EBF4: variants seen among roughly 807,000 people sequenced by gnomAD.
EBF4 encodes the protein transcription factor COE4.
EBF4 carries 34 observed loss-of-function variants against 67.1 expected under a neutral mutation model. The observed-to-expected ratio is 0.51, with a 90% CI of 0.39 to 0.67. The LOEUF (loss-of-function observed/expected upper bound fraction) is 0.67. EBF4 is among the 30% of genes least tolerant of loss of function. EBF4 has a pLI of 0.00. For missense variants in EBF4, 837 were observed against 873.3 expected (o/e 0.96, Z 0.52); for synonymous variants, 387 against 377.7 (o/e 1.02, Z -0.29).
intron 6 of EBF4, among the ~76,000 whole-genome samples, chr20:2,737,056 TG>T (rs2087891548): frequency 6.6e-6 from 1 of 151,916 alleles, no homozygotes; most frequent in Non-Finnish European, 1.5e-5. Context: ...GAGACCATCC[TG>T]GCTAACACGG....
At chr20:2,752,291 C>G in intron 13 of EBF4, 28 bp downstream of exon 13, 1 of 1,210,570 alleles carries the variant, frequency 8.3e-7, no homozygotes, top group African/African-American at 1.6e-5. Flanking sequence ...CCCCGCCGTC[C>G]TCGGGCGCCG....
Position 2,751,572 on chromosome 20 carries a change from G to C in EBF4, c.1019-128G>C. ...GGAGTTTTCCGGGGGACTTGGGCTG[G>C]GCCTGGTGGAGGGGGCTGCAGCGAG... is the stretch of plus-strand genomic sequence containing the variant. On this transcript the variant is annotated intron_variant, in intron 10 of 16. Transcript: ENST00000609451. This position sits in a 1 kb window ranked among gnomAD's most constrained non-coding sequence, Gnocchi z 5.2. 1.1e-6 allele frequency: 1 copy of C among 905,462 alleles called. No homozygotes were observed. The highest frequency in any genetic ancestry group is 1.6e-5 in the South Asian group (1 of 63,084). 56.1% of individuals were successfully genotyped at this position (905,462 alleles called of 1,614,324 possible). A position where few individuals can be genotyped will look rare whatever the true frequency, so the allele number is the denominator to read the frequency against.
At chr20:2,723,527 T>G (rs1176455601) in intron 6 of EBF4, among the ~76,000 whole-genome samples, 3 of 152,030 alleles carry the variant, frequency 2.0e-5, no homozygotes, top group Non-Finnish European at 2.9e-5. Flanking sequence ...TTTTTTGTAT[T>G]TTTAATAGAG....
chr20:2,715,813 A>G (rs909248619), intron 6 of EBF4, among the ~76,000 whole-genome samples: 1 of 152,042 alleles, frequency 6.6e-6, no homozygotes, highest in African/African-American at 2.4e-5. Context: ...CAGTGGCGCA[A>G]TCTCGGCTCA....
rs1229893734 is a variant in EBF4, at chr20:2,745,636, G to T, written c.558-2913G>T. Among the ~76,000 whole-genome samples the T allele has an allele frequency of 1.3e-5, 2 of 152,230 alleles. No individual in the cohort carries two copies. Among genetic ancestry groups the T allele is most frequent in the African/African-American group, 4.8e-5 (2 of 41,458 alleles). On this transcript the variant is annotated intron_variant, in intron 6 of 16. Coordinates refer to ENST00000609451, the Ensembl canonical transcript of EBF4. This position sits in a 1 kb window ranked among gnomAD's most constrained non-coding sequence, Gnocchi z 5.2. Reference sequence around the variant, plus strand: ...ACAGTGGCAAGACCTGCTGAGCAAAGGCTTGGGGAAGGGCCAGTGAGGGAG... The same window carrying T: ...ACAGTGGCAAGACCTGCTGAGCAAATGCTTGGGGAAGGGCCAGTGAGGGAG...
At chr20:2,718,098 C>T (rs990386573) in intron 6 of EBF4, among the ~76,000 whole-genome samples, 4 of 152,136 alleles carry the variant, frequency 2.6e-5, no homozygotes, top group African/African-American at 4.8e-5. Flanking sequence ...CGTGAGCCAC[C>T]GCACCCGGCT....
chr20:2,702,966 G>A (rs920215740), intron 1 of EBF4, among the ~76,000 whole-genome samples: 4 of 152,090 alleles, frequency 2.6e-5, no homozygotes, highest in South Asian at 2.1e-4. Context: ...AAAGTGCTCC[G>A]TAGTCAGGTA....
chr20:2,704,237 C>G (rs934646491), intron 1 of EBF4, among the ~76,000 whole-genome samples: 1 of 152,218 alleles, frequency 6.6e-6, no homozygotes, highest in Non-Finnish European at 1.5e-5. Flanking sequence ...CTGGCTTCCA[C>G]ACATGCAGAG....
intron 1 of EBF4, among the ~76,000 whole-genome samples, chr20:2,698,762 C>T (rs895048451): frequency 2.0e-5 from 3 of 152,168 alleles, no homozygotes; most frequent in African/African-American, 7.2e-5. Flanking sequence ...GGCTTGTCCC[C>T]CGTAGCCCTA....
intron 6 of EBF4, among the ~76,000 whole-genome samples, chr20:2,727,958 G>T (rs529030873): frequency 6.6e-6 from 1 of 152,230 alleles, no homozygotes; most frequent in East Asian, 1.9e-4. Context: ...ATTCTAGATA[G>T]TAACCCCTCC....
chr20:2,742,166 T>C (rs2087977702), intron 6 of EBF4, among the ~76,000 whole-genome samples: 1 of 152,182 alleles, frequency 6.6e-6, no homozygotes, highest in South Asian at 2.1e-4. Context: ...GCATCAGTGG[T>C]TCATAAAGAC....
rs1568586683 is a variant in EBF4 at position 2,749,651 on chromosome 20, CG to C, written c.793del (p.Glu265ArgfsTer55). 6.4e-7 allele frequency: 1 copy of C among 1,566,456 alleles called. No individual in the cohort carries two copies. Among genetic ancestry groups the C allele is most frequent in the Non-Finnish European group, 8.6e-7 (1 of 1,156,392 alleles). On this transcript the variant is annotated frameshift_variant, in exon 9 of 17. Transcript: ENST00000609451. LOFTEE classifies it high-confidence loss of function. Reference sequence around the variant, plus strand: ...CCCCCTGCATCAAGGCCATCAGCCCCGGGGAGGGCTGGACCACGGGCGGCGC... The same window carrying C: ...CCCCCTGCATCAAGGCCATCAGCCCCGGGAGGGCTGGACCACGGGCGGCGC...
intron 6 of EBF4, among the ~76,000 whole-genome samples, chr20:2,728,204 C>A (rs866031592): frequency 3.9e-5 from 6 of 152,320 alleles, no homozygotes; most frequent in Non-Finnish European, 7.4e-5. Context: ...GCCCTATAAA[C>A]CTGCTCGGTG....
At chr20:2,721,141 A>G (rs2087673829) in intron 6 of EBF4, among the ~76,000 whole-genome samples, 1 of 151,200 alleles carries the variant, frequency 6.6e-6, no homozygotes, top group African/African-American at 2.4e-5. Flanking sequence ...AAAGTTTTTG[A>G]CCATGATTTA....
intron 6 of EBF4, among the ~76,000 whole-genome samples, chr20:2,712,923 A>G (rs2087562404): frequency 6.6e-6 from 1 of 152,222 alleles, no homozygotes; most frequent in African/African-American, 2.4e-5. Context: ...TTTAGCAATG[A>G]GGAGGATATT....
chr20:2,733,019 G>A (rs2875803), intron 6 of EBF4, among the ~76,000 whole-genome samples: 7,156 of 152,178 alleles, frequency 0.047, 563 homozygotes, highest in African/African-American at 0.16. Flanking sequence ...TTACTGTCTT[G>A]TCTTGTTTCA....
chr20:2,730,454 T>G (rs553474769), intron 6 of EBF4, among the ~76,000 whole-genome samples: 1 of 152,326 alleles, frequency 6.6e-6, no homozygotes, highest in Non-Finnish European at 1.5e-5. Flanking sequence ...TGATTTCATC[T>G]CCAGATCCTG....
chr20:2,702,303 C>A (rs1292193093), intron 1 of EBF4, among the ~76,000 whole-genome samples: 1 of 152,160 alleles, frequency 6.6e-6, no homozygotes, highest in Non-Finnish European at 1.5e-5. Context: ...TGGCTCATGC[C>A]TGTAGTCCCA....
intron 14 of EBF4, among the ~76,000 whole-genome samples, chr20:2,752,835 T>A (rs558140573): frequency 1.5e-3 from 228 of 152,336 alleles, no homozygotes; most frequent in African/African-American, 5.3e-3. Flanking sequence ...CCGGTCCCCC[T>A]GAAGTGGGCT....
Sources: gnomAD v4.1 joint callset for allele counts (sites outside exome capture counted in the v4.1 genomes callset) on GRCh38, gnomAD v4.1.1 for gene constraint, Gnocchi (gnomAD v3.1) non-coding constraint, MANE v1.5 for transcripts, NCBI Gene and HGNC (gene_info 2026-07-23, HGNC 2026-07-21) for gene names.